WWP2: variants seen among roughly 807,000 people sequenced by gnomAD.
WWP2 encodes WW domain containing E3 ubiquitin protein ligase 2.
Under a neutral mutation model 121.0 loss-of-function variants are expected in WWP2, and 57 were observed. The observed-to-expected ratio is 0.47, with a 90% CI of 0.38 to 0.59. WWP2 has a LOEUF of 0.59. Among genes scored for constraint, WWP2 ranks in the 20% least tolerant of loss-of-function variants. WWP2 has a pLI of 0.00. For synonymous variants in WWP2, 449 were observed against 441.3 expected (o/e 1.02, Z -0.22); for missense variants, 962 against 1,158.9 (o/e 0.83, Z 2.47).
chr16:69,933,905 AGC>A, intron 16 of WWP2, 63 bp from the exon 17 acceptor site: 1 of 1,554,106 alleles, frequency 6.4e-7, no homozygotes, highest in South Asian at 1.2e-5. Flanking sequence ...GAAGAGACAC[AGC>A]TCCTGTGCAG....
intron 6 of WWP2, among the ~76,000 whole-genome samples, chr16:69,859,684 C>A (rs2057380735): frequency 6.6e-6 from 1 of 152,106 alleles, no homozygotes; most frequent in South Asian, 2.1e-4. Context: ...CCTTAAGCTT[C>A]CCCCTGGCCC....
At chr16:69,845,909 G>GC (rs200329679) in intron 6 of WWP2, among the ~76,000 whole-genome samples, 58,522 of 151,002 alleles carry the variant, frequency 0.39, 11,496 homozygotes, top group Admixed American at 0.49. Context: ...AATTAGCCAG[G>GC]CATGGTGGTG....
chr16:69,892,953 C>T (rs2058052207), intron 8 of WWP2, among the ~76,000 whole-genome samples: 1 of 152,240 alleles, frequency 6.6e-6, no homozygotes, highest in Admixed American at 6.5e-5. Flanking sequence ...CTAAAAAGGC[C>T]TGTGTAATAT....
intron 6 of WWP2, among the ~76,000 whole-genome samples, chr16:69,866,294 ATTTATTTATTT>A (rs2057522977): frequency 6.7e-6 from 1 of 149,726 alleles, no homozygotes; most frequent in Non-Finnish European, 1.5e-5. Context: ...TTATTTATTT[ATTTATTTATTT>A]ATTTATTTAT....
intron 4 of WWP2, among the ~76,000 whole-genome samples, chr16:69,834,232 C>A (rs1461260161): frequency 6.6e-6 from 1 of 152,206 alleles, no homozygotes; most frequent in Non-Finnish European, 1.5e-5. Flanking sequence ...TCTTCCCTCG[C>A]TCCACTCCAG....
chr16:69,812,161 C>CTTT (rs1021541952), intron 4 of WWP2, among the ~76,000 whole-genome samples: 2,858 of 108,438 alleles, frequency 0.026, 211 homozygotes, highest in African/African-American at 0.098. Context: ...GAGTACAGAC[C>CTTT]TTTTTTTTTT....
chr16:69,796,960 G>A (rs1420443205), intron 2 of WWP2, among the ~76,000 whole-genome samples: 1 of 152,254 alleles, frequency 6.6e-6, no homozygotes, highest in Non-Finnish European at 1.5e-5. Context: ...TTTCAGAAGA[G>A]TCTGGGAGGG....
intron 6 of WWP2, among the ~76,000 whole-genome samples, chr16:69,853,817 A>G (rs3790085): frequency 0.53 from 80,484 of 151,730 alleles, 22,209 homozygotes; most frequent in African/African-American, 0.7. Context: ...AGATTCCTCT[A>G]CTGTGCTGTC....
chr16:69,869,504 T>A (rs1219724538), intron 6 of WWP2, among the ~76,000 whole-genome samples: 1 of 151,792 alleles, frequency 6.6e-6, no homozygotes, highest in African/African-American at 2.4e-5. Context: ...CCACCACACC[T>A]GGCTAATTTT....
intron 1 of WWP2, among the ~76,000 whole-genome samples, chr16:69,781,004 G>T (rs1171423820): frequency 2.6e-5 from 4 of 152,088 alleles, no homozygotes; most frequent in Admixed American, 2.0e-4. Context: ...CTCCATCCTG[G>T]GTGACAGGGC....
intron 9 of WWP2, among the ~76,000 whole-genome samples, chr16:69,914,290 G>A (rs904613127): frequency 2.0e-5 from 3 of 151,878 alleles, no homozygotes; most frequent in African/African-American, 7.3e-5. Flanking sequence ...CACACGCCTA[G>A]CCCAGAGGAT....
chr16:69,910,106 A>T (rs1597146807), intron 9 of WWP2: 1 of 156,966 alleles, frequency 6.4e-6, no homozygotes, highest in African/African-American at 2.4e-5. Context: ...AAATTTGCTA[A>T]CTCCCGATCT....
At chr16:69,878,463 T>C (rs2057772132) in intron 7 of WWP2, among the ~76,000 whole-genome samples, 1 of 152,216 alleles carries the variant, frequency 6.6e-6, no homozygotes, top group South Asian at 2.1e-4. Context: ...TTTATCTTTA[T>C]GAATAATTTC....
chr16:69,931,478 A>C, intron 14 of WWP2, 31 bp from the exon 15 acceptor site: 1 of 1,612,446 alleles, frequency 6.2e-7, no homozygotes, highest in Non-Finnish European at 8.5e-7. Flanking sequence ...TTGAGGCTCG[A>C]TTTAAAGTTC....
chr16:69,857,468 CCTGA>C (rs2057337886), intron 6 of WWP2, among the ~76,000 whole-genome samples: 1 of 151,986 alleles, frequency 6.6e-6, no homozygotes, highest in Non-Finnish European at 1.5e-5. Context: ...TCTTTGGCTC[CCTGA>C]CTATTTGATA....
At chr16:69,916,894 T>C (rs2058487008) in intron 9 of WWP2, among the ~76,000 whole-genome samples, 1 of 152,134 alleles carries the variant, frequency 6.6e-6, no homozygotes, top group African/African-American at 2.4e-5. Context: ...CCGGGTGCAG[T>C]GGCTCACGCC....
intron 4 of WWP2, among the ~76,000 whole-genome samples, chr16:69,826,966 G>A (rs1195300943): frequency 7.0e-5 from 1 of 14,356 alleles, no homozygotes; most frequent in Non-Finnish European, 2.7e-4. Context: ...GGGGGGGGGC[G>A]GAGAGAATAA....
At chr16:69,878,992 G>A (rs553358976) in intron 7 of WWP2, among the ~76,000 whole-genome samples, 4 of 152,138 alleles carry the variant, frequency 2.6e-5, no homozygotes, top group African/African-American at 7.2e-5. Flanking sequence ...TGTAAATATC[G>A]GTTTATAATT....
chr16:69,893,844 C>T (rs1469370871), intron 8 of WWP2, among the ~76,000 whole-genome samples: 1 of 151,780 alleles, frequency 6.6e-6, no homozygotes, highest in Non-Finnish European at 1.5e-5. Flanking sequence ...GCACCCAGCC[C>T]TCAGAATGCT....
Sources: allele counts gnomAD v4.1 joint callset (sites outside exome capture counted in the v4.1 genomes callset), GRCh38; gene constraint gnomAD v4.1.1; transcripts MANE v1.5; gene names NCBI Gene and HGNC (gene_info 2026-07-23, HGNC 2026-07-21).